Variants in CLDN14 observed in about 807,000 individuals in gnomAD.
CLDN14 encodes the protein claudin 14.
CLDN14 carries 2 observed loss-of-function variants against 2.1 expected under a neutral mutation model. The observed-to-expected ratio is 0.96, with a 90% CI of 0.39 to 3.01. The LOEUF is 3.01. Among genes scored for constraint, CLDN14 ranks in the 30% most tolerant of loss-of-function variants. The pLI, the probability that CLDN14 is intolerant of heterozygous loss-of-function variation, is 0.09. For missense variants in CLDN14, 298 were observed against 328.0 expected, an observed-to-expected ratio of 0.91 and a Z score of 0.71; for synonymous variants, 136 against 154.4, an observed-to-expected ratio of 0.88 and a Z score of 0.88.
chr21:36,461,719 G>C lies in CLDN14; in HGVS notation c.-24C>G, dbSNP rs980535943. 6 of 1,546,258 alleles carry C rather than the reference G, an allele frequency of 3.9e-6. No homozygotes were observed. Among genetic ancestry groups the C allele is most frequent in the Non-Finnish European group, 5.2e-6 (6 of 1,146,414 alleles). ...ATGGTGCGGCTGCCTGCCTAGGCCA[G>C]CCGGGCAGCTCCCTGGGCCCTCGGG... On this transcript the variant is annotated 5_prime_UTR_variant, in exon 2 of 2. Coordinates refer to ENST00000399135, the MANE Select transcript of CLDN14 (RefSeq NM_001146079.2).
chr21:36,501,332 C>CTTTTTTTTTTTTTTTTTTTTTTTT lies in CLDN14; in HGVS notation c.-82+9007_-82+9030dup, dbSNP rs58458004. On this transcript the variant is annotated intron_variant, in intron 2 of 2. Coordinates refer to the CLDN14 transcript ENST00000342108. The stretch of plus-strand genomic sequence containing the variant: ...AATGGGAGTTTCAGTCAATATCTCA[C>CTTTTTTTTTTTTTTTTTTTTTTTT]TTTTTTTTTTTTTTTTTTTTTTTTT... Among the ~76,000 whole-genome samples the CTTTTTTTTTTTTTTTTTTTTTTTT allele has an allele frequency of 6.2e-5, 3 of 48,390 alleles. 1 individual carries two copies. The highest frequency in any genetic ancestry group is 8.6e-5 in the Non-Finnish European group (2 of 23,304). 31.7% of individuals were successfully genotyped at this position (48,390 alleles called of 152,430 possible).
chr21:36,475,213 A>G (rs1346733679), intron 1 of CLDN14, among the ~76,000 whole-genome samples: 2 of 152,092 alleles, frequency 1.3e-5, no homozygotes, highest in Non-Finnish European at 2.9e-5. Context: ...CCTGGTGGGG[A>G]TTTTCCTAGG....
At position 36,551,062 on chromosome 21, in the gene CLDN14, G is replaced by T. The variant is rs2087560421; in HGVS notation, c.-220+25349C>A. Among the ~76,000 whole-genome samples the T allele has an allele frequency of 6.6e-6, 1 of 152,218 alleles. No homozygotes were observed. Among genetic ancestry groups the T allele is most frequent in the Admixed American group, 6.5e-5 (1 of 15,284 alleles). On this transcript the variant is annotated intron_variant, in intron 1 of 2. Transcript: ENST00000342108. The surrounding 1 kb of genome is among the most constrained non-coding windows in gnomAD (Gnocchi z 4.8). ...AGCTGTGAGCCAAGGCCAAGGAATG[G>T]TGTGGCCAGCCGGCAGCCACCAGAG...
chr21:36,505,086 C>T (rs867117946), intron 2 of CLDN14, among the ~76,000 whole-genome samples: 13 of 152,170 alleles, frequency 8.5e-5, no homozygotes, highest in Middle Eastern at 3.2e-3. Context: ...CTTCCAGAGA[C>T]GTGCTTAGAG....
rs548165835 is a variant in CLDN14 at position 36,461,748 on chromosome 21, A to C, written c.-53T>G. Reference sequence around the variant, plus strand: ...GGCAGCTCCCTGGGCCCTCGGGGTCACGCCGCTCCTCAGGTGCCAGCCGGA... The same window carrying C: ...GGCAGCTCCCTGGGCCCTCGGGGTCCCGCCGCTCCTCAGGTGCCAGCCGGA... On this transcript the variant is annotated 5_prime_UTR_variant, in exon 2 of 2. Transcript: ENST00000399135. 1 of 1,537,910 alleles carries C rather than the reference A, an allele frequency of 6.5e-7. No individual in the cohort carries two copies. Among genetic ancestry groups the C allele is most frequent in the East Asian group, 2.5e-5 (1 of 40,772 alleles).
chr21:36,553,031 C>T (rs936476861), intron 1 of CLDN14, among the ~76,000 whole-genome samples: 1 of 152,196 alleles, frequency 6.6e-6, no homozygotes, highest in African/African-American at 2.4e-5. Flanking sequence ...GCCCAGCTGA[C>T]GCACACCAAA....
intron 2 of CLDN14, among the ~76,000 whole-genome samples, chr21:36,500,211 A>G (rs9984472): frequency 0.2 from 30,670 of 151,824 alleles, 3,310 homozygotes; most frequent in Non-Finnish European, 0.24. Flanking sequence ...AGGAAGTGAA[A>G]CATTGGGAGG....
At position 36,551,680 on chromosome 21, in the gene CLDN14, C is replaced by T. The variant is rs909009021; in HGVS notation, c.-220+24731G>A. The stretch of plus-strand genomic sequence containing the variant: ...GTTGCAACAGCTCCTCCTGAAGATC[C>T]CAGATGCTCCAAGTGCCATCTCTAG... On this transcript the variant is annotated intron_variant, in intron 1 of 2. Transcript: ENST00000342108. This position sits in a 1 kb window ranked among gnomAD's most constrained non-coding sequence, Gnocchi z 4.8. Among the ~76,000 whole-genome samples, 4 of 152,098 alleles carry T rather than the reference C, an allele frequency of 2.6e-5. No individual in the cohort carries two copies. Among genetic ancestry groups the T allele is most frequent in the African/African-American group, 9.7e-5 (4 of 41,396 alleles).
At chr21:36,490,831 T>G (rs182140391) in intron 2 of CLDN14, among the ~76,000 whole-genome samples, 155 of 152,230 alleles carry the variant, frequency 1.0e-3, no homozygotes, top group African/African-American at 3.7e-3. Flanking sequence ...GAACCAGGTT[T>G]GCTTGCACCC....
At chr21:36,510,780 A>G (rs918790384) in intron 1 of CLDN14, among the ~76,000 whole-genome samples, 1 of 152,262 alleles carries the variant, frequency 6.6e-6, no homozygotes, top group African/African-American at 2.4e-5. Context: ...GTCTGCAGCC[A>G]TGTAATCCAA....
Position 36,492,261 on chromosome 21 carries a change from C to T in CLDN14, c.-82+18102G>A, listed in dbSNP as rs577840382. Among the ~76,000 whole-genome samples, 148 of 135,564 alleles carry T rather than the reference C, an allele frequency of 1.1e-3. 3 individuals are homozygous for T. The highest frequency in any genetic ancestry group is 6.9e-4 in the Non-Finnish European group (45 of 65,232). The allele number at this position is 135,564 out of a possible 152,430, so 88.9% of individuals were successfully genotyped here. A position where few individuals can be genotyped will look rare whatever the true frequency, so the allele number is the denominator to read the frequency against. On this transcript the variant is annotated intron_variant, in intron 2 of 2. Transcript: ENST00000342108. ...CATCCTGGCTAACAAGGTGAAACCCCGTCTCTACTAAAAATACAAAAAATT... is the reference window on the plus strand; with the variant it reads ...CATCCTGGCTAACAAGGTGAAACCCTGTCTCTACTAAAAATACAAAAAATT...
At chr21:36,572,770 T>G (rs193052890) in intron 1 of CLDN14, among the ~76,000 whole-genome samples, 6 of 152,330 alleles carry the variant, frequency 3.9e-5, no homozygotes, top group Non-Finnish European at 7.4e-5. Context: ...ACATGTGACT[T>G]AAACTAAGCT....
intron 1 of CLDN14, among the ~76,000 whole-genome samples, chr21:36,542,261 C>G (rs1454324460): frequency 6.6e-6 from 1 of 152,218 alleles, no homozygotes; most frequent in Non-Finnish European, 1.5e-5. Context: ...CCGCTCCTGG[C>G]CGGCAATAGA....
intron 1 of CLDN14, among the ~76,000 whole-genome samples, chr21:36,541,318 A>G (rs2087486703): frequency 6.6e-6 from 1 of 152,202 alleles, no homozygotes; most frequent in South Asian, 2.1e-4. Flanking sequence ...AATGACTTCT[A>G]ATAAAACTCA....
At chr21:36,539,935 G>A (rs2087472760) in intron 1 of CLDN14, among the ~76,000 whole-genome samples, 1 of 151,982 alleles carries the variant, frequency 6.6e-6, no homozygotes, top group South Asian at 2.1e-4. Context: ...GAGTGTGTGT[G>A]TGGAGTGAGT....
intron 1 of CLDN14, among the ~76,000 whole-genome samples, chr21:36,515,711 TA>T (rs2087222853): frequency 6.7e-6 from 1 of 150,270 alleles, no homozygotes; most frequent in South Asian, 2.1e-4. Flanking sequence ...AAAACTGTAG[TA>T]AGAACAGGAC....
At chr21:36,481,378 T>C (rs546858597), upstream of CLDN14, among the ~76,000 whole-genome samples, 1 of 152,372 alleles carries the variant, frequency 6.6e-6, no homozygotes, top group African/African-American at 2.4e-5. Flanking sequence ...AGCATAATAG[T>C]AAAATGTGCC....
chr21:36,527,175 G>T lies in CLDN14; in HGVS notation c.-219-16675C>A, dbSNP rs552955673. Among the ~76,000 whole-genome samples the T allele has an allele frequency of 4.6e-5, 7 of 152,322 alleles. No individual in the cohort carries two copies. In the East Asian group the frequency reaches 1.3e-3, roughly 29 times the overall value. On this transcript the variant is annotated intron_variant, in intron 1 of 2. Transcript: ENST00000342108. ...CGGACGTGATAATTTCACATGTTCA[G>T]ACCACCCTGTCAGCATGTCAGATTT...
chr21:36,525,100 C>T (rs962788927), intron 1 of CLDN14, among the ~76,000 whole-genome samples: 5 of 152,308 alleles, frequency 3.3e-5, no homozygotes, highest in Admixed American at 1.3e-4. Flanking sequence ...CCAAGGCCCA[C>T]CTCAGCAAGC....
Sources: gnomAD v4.1 joint callset for allele counts (sites outside exome capture counted in the v4.1 genomes callset) on GRCh38, gnomAD v4.1.1 for gene constraint, Gnocchi (gnomAD v3.1) non-coding constraint, MANE v1.5 for transcripts, NCBI Gene and HGNC (gene_info 2026-07-23, HGNC 2026-07-21) for gene names.